The following COL4A5 variants were observed in gnomAD, a reference collection of about 807,000 sequenced individuals.
COL4A5 encodes collagen type IV alpha 5 chain, also known as collagen alpha-5(IV) chain.
A neutral mutation model predicts 130.2 loss-of-function variants in COL4A5; 26 were observed. The observed-to-expected ratio is 0.20, with a 90% confidence interval of 0.15 to 0.28. COL4A5 has a LOEUF of 0.28. Ranked by LOEUF, COL4A5 falls within the 10% of genes least tolerant of loss-of-function variation. The probability of loss-of-function intolerance (pLI) is 1.00; values close to 1 mark genes in which losing one functional copy is unlikely to be tolerated. For synonymous variants in COL4A5, 496 were observed against 439.6 expected (o/e 1.13, Z -1.60); for missense variants, 1,131 against 1,344.3 (o/e 0.84, Z 2.48).
chrX:108,569,761 C>T (rs2066031517), intron 6 of COL4A5, among the ~76,000 whole-genome samples: 1 of 110,912 alleles, frequency 9.0e-6, no homozygotes, highest in South Asian at 3.8e-4. Flanking sequence ...CTCACTGCAA[C>T]CTCTGCCTCC....
At chrX:108,613,715 A>C (rs906192174) in intron 29 of COL4A5, among the ~76,000 whole-genome samples, 1 of 111,889 alleles carries the variant, frequency 8.9e-6, no homozygotes, top group Non-Finnish European at 1.9e-5. Context: ...GGGAAATGCA[A>C]GTTAAAACCA....
intron 43 of COL4A5, among the ~76,000 whole-genome samples, chrX:108,676,590 A>G (rs1473971494): frequency 8.9e-6 from 1 of 112,583 alleles, no homozygotes; most frequent in Non-Finnish European, 1.9e-5. Flanking sequence ...CTTGAAAAAT[A>G]TTTAAAATGT....
intron 1 of COL4A5, among the ~76,000 whole-genome samples, chrX:108,472,981 T>C (rs1357998931): frequency 8.9e-6 from 1 of 111,989 alleles, no homozygotes; most frequent in Non-Finnish European, 1.9e-5. Flanking sequence ...TGGGGTGTTA[T>C]TGTGGTTTTG....
At chrX:108,654,881 T>G (rs1471395605) in intron 36 of COL4A5, among the ~76,000 whole-genome samples, 1 of 112,754 alleles carries the variant, frequency 8.9e-6, no homozygotes. Flanking sequence ...GTAGGAATGA[T>G]AAACACAGGT....
At chrX:108,565,654 G>A (rs2065956318) in intron 4 of COL4A5, among the ~76,000 whole-genome samples, 1 of 112,072 alleles carries the variant, frequency 8.9e-6, no homozygotes, top group Admixed American at 9.4e-5. Flanking sequence ...TTGGGTTGCT[G>A]TTTATTAAGC....
chrX:108,521,252 A>G (rs182561032), intron 1 of COL4A5, among the ~76,000 whole-genome samples: 336 of 111,365 alleles, frequency 3.0e-3, no homozygotes, highest in African/African-American at 0.011. Flanking sequence ...TCTCTTACAA[A>G]TTTGAATATC....
chrX:108,573,484 C>T (rs944115814), intron 8 of COL4A5, 90 bp from the exon 9 acceptor site: 2 of 625,031 alleles, frequency 3.2e-6, no homozygotes, highest in African/African-American at 4.4e-5. Flanking sequence ...ATCTCTGTTA[C>T]AAATTGAATC....
At chrX:108,550,735 T>G (rs1186601324) in intron 2 of COL4A5, among the ~76,000 whole-genome samples, 2 of 112,052 alleles carry the variant, frequency 1.8e-5, no homozygotes, top group Non-Finnish European at 3.8e-5. Flanking sequence ...TAATTTTTTT[T>G]GTTTTTTTGA....
chrX:108,546,302 T>C (rs1387192791), intron 2 of COL4A5, among the ~76,000 whole-genome samples: 1 of 112,019 alleles, frequency 8.9e-6, no homozygotes, highest in Non-Finnish European at 1.9e-5. Flanking sequence ...AAGGCAGGCC[T>C]GGTGGTGACA....
chrX:108,627,660 T>C (rs1034740152), intron 36 of COL4A5: 3 of 540,307 alleles, frequency 5.6e-6, no homozygotes, highest in Non-Finnish European at 6.7e-6. Flanking sequence ...ATGTAACATA[T>C]GAACTTGATT....
chrX:108,652,859 A>T (rs1246512752), intron 36 of COL4A5, among the ~76,000 whole-genome samples: 1 of 112,199 alleles, frequency 8.9e-6, no homozygotes, highest in Non-Finnish European at 1.9e-5. Context: ...AATGTGACTT[A>T]TTAGGTATGA....
chrX:108,560,073 C>T (rs1028897211), intron 3 of COL4A5, among the ~76,000 whole-genome samples: 1 of 111,631 alleles, frequency 9.0e-6, no homozygotes, highest in Admixed American at 9.5e-5. Context: ...ATGGGTTGGA[C>T]TTTAAAGGGC....
At chrX:108,495,687 A>ATTGTGT (rs2065029461) in intron 1 of COL4A5, among the ~76,000 whole-genome samples, 1 of 112,241 alleles carries the variant, frequency 8.9e-6, no homozygotes, top group Non-Finnish European at 1.9e-5. Context: ...TCAAAGGGCA[A>ATTGTGT]CCTCAGCAGA....
chrX:108,581,055 C>A (rs755105213), intron 16 of COL4A5, 28 bp downstream of exon 16: 4 of 1,167,740 alleles, frequency 3.4e-6, no homozygotes, highest in Non-Finnish European at 4.7e-6. Context: ...TTTCCCCCTG[C>A]AAAACTGGAG....
chrX:108,579,995 C>T (rs192867438), intron 13 of COL4A5, among the ~76,000 whole-genome samples: 1 of 112,044 alleles, frequency 8.9e-6, no homozygotes, highest in African/African-American at 3.2e-5. Context: ...AAGATTTCAA[C>T]TTTAAGTTAG....
At chrX:108,548,096 G>C (rs981164700) in intron 2 of COL4A5, among the ~76,000 whole-genome samples, 3 of 111,099 alleles carry the variant, frequency 2.7e-5, no homozygotes, top group African/African-American at 9.8e-5. Flanking sequence ...GCTCACGCTC[G>C]GTGCGCTGCA....
At chrX:108,594,083 C>T (rs999939673) in intron 21 of COL4A5, among the ~76,000 whole-genome samples, 12 of 111,776 alleles carry the variant, frequency 1.1e-4, no homozygotes, top group Admixed American at 5.7e-4. Context: ...ACATCCTGAT[C>T]AAATTGAAGT....
At chrX:108,450,023 C>T (rs941941783) in intron 1 of COL4A5, among the ~76,000 whole-genome samples, 2 of 111,538 alleles carry the variant, frequency 1.8e-5, no homozygotes, top group African/African-American at 3.3e-5. Context: ...TAGTTGTATT[C>T]GTCATACTCT....
At chrX:108,477,580 G>C (rs2064846158) in intron 1 of COL4A5, among the ~76,000 whole-genome samples, 1 of 110,793 alleles carries the variant, frequency 9.0e-6, no homozygotes, top group Admixed American at 9.6e-5. Flanking sequence ...TTGGGAGGCC[G>C]AGGTGGGTGG....
Sources: allele counts gnomAD v4.1 joint callset (sites outside exome capture counted in the v4.1 genomes callset), GRCh38; gene constraint gnomAD v4.1.1; transcripts MANE v1.5; gene names NCBI Gene and HGNC (gene_info 2026-07-23, HGNC 2026-07-21).